ANAPC1: variants seen among roughly 807,000 people sequenced by gnomAD.
ANAPC1 encodes the protein anaphase promoting complex subunit 1.
In ANAPC1, 36 loss-of-function variants were observed where a neutral mutation model predicts 208.0. The ratio of observed to expected loss-of-function variants is 0.17; its 90% confidence interval spans 0.13 to 0.23. The LOEUF is 0.23. ANAPC1 is among the 10% of genes least tolerant of loss of function. The pLI is 1.00. For missense variants in ANAPC1, 942 were observed against 2,011.6 expected, an observed-to-expected ratio of 0.47 and a Z score of 10.17; for synonymous variants, 378 against 695.2, an observed-to-expected ratio of 0.54 and a Z score of 7.18.
chr2:111,845,976 C>A (rs1325377343), intron 16 of ANAPC1, among the ~76,000 whole-genome samples: 647 of 100,636 alleles, frequency 6.4e-3, no homozygotes, highest in Middle Eastern at 0.011. Flanking sequence ...GACTCCGTCT[C>A]AAAAAAAAAA....
chr2:111,806,854 T>A (rs1678704497), intron 29 of ANAPC1, among the ~76,000 whole-genome samples: 1 of 149,258 alleles, frequency 6.7e-6, no homozygotes, highest in African/African-American at 2.5e-5. Flanking sequence ...GAAAAAATGT[T>A]CACATTCCTG....
At chr2:111,855,235 C>T (rs1304236004) in intron 13 of ANAPC1, among the ~76,000 whole-genome samples, 2 of 152,170 alleles carry the variant, frequency 1.3e-5, no homozygotes, top group Non-Finnish European at 2.9e-5. Context: ...GGGTACAGTT[C>T]GTGGTGCCCC....
chr2:111,868,410 T>TAAAGCA lies in ANAPC1; in HGVS notation c.612-315_612-314insTGCTTT, dbSNP rs1682552993. Among the ~76,000 whole-genome samples the TAAAGCA allele has an allele frequency of 9.2e-5, 14 of 152,248 alleles. 1 individual carries two copies. The highest frequency in any genetic ancestry group is 6.3e-3 in the Middle Eastern group (2 of 316). On this transcript the variant is annotated intron_variant, in intron 6 of 47. Coordinates refer to ENST00000341068, the MANE Select transcript of ANAPC1 (RefSeq NM_022662.4). ...ATGTGCATAAAGCGGTCTTTTTTTA[T>TAAAGCA]TGACCTCTCTTACTGGCAGTGTGTC...
At chr2:111,777,183 T>C (rs1181781402) in intron 45 of ANAPC1, 126 bp from the exon 46 acceptor site, 9 of 664,152 alleles carry the variant, frequency 1.4e-5, no homozygotes, top group Admixed American at 2.5e-5. Context: ...TGGTCCATTC[T>C]GTGTTTTGAT....
At chr2:111,772,718 A>T (rs1003955954) in intron 46 of ANAPC1, among the ~76,000 whole-genome samples, 1 of 152,056 alleles carries the variant, frequency 6.6e-6, no homozygotes, top group Non-Finnish European at 1.5e-5. Flanking sequence ...CATAATTACA[A>T]ATTGTGAGGA....
intron 18 of ANAPC1, among the ~76,000 whole-genome samples, chr2:111,837,583 C>A: frequency 6.6e-6 from 1 of 151,570 alleles, no homozygotes; most frequent in East Asian, 1.9e-4. Flanking sequence ...TGCACTCCAG[C>A]CTGGGCGATA....
chr2:111,848,692 G>A (rs368188434), intron 14 of ANAPC1, among the ~76,000 whole-genome samples: 3 of 151,092 alleles, frequency 2.0e-5, no homozygotes, highest in East Asian at 1.9e-4. Flanking sequence ...CAGAAGAATC[G>A]CTTGAACCCA....
At chr2:111,830,505 TAC>T (rs1300490335) in intron 21 of ANAPC1, among the ~76,000 whole-genome samples, 2 of 151,660 alleles carry the variant, frequency 1.3e-5, no homozygotes, top group Admixed American at 1.3e-4. Context: ...TAAAGAAAAA[TAC>T]AGATAAACTA....
At chr2:111,826,064 T>G (rs1242521795) in intron 21 of ANAPC1, among the ~76,000 whole-genome samples, 2 of 152,142 alleles carry the variant, frequency 1.3e-5, no homozygotes, top group Non-Finnish European at 2.9e-5. Flanking sequence ...TTATTTTTAT[T>G]TTTTGTAAAG....
intron 20 of ANAPC1, among the ~76,000 whole-genome samples, chr2:111,831,826 C>CCAAAAA (rs1553425748): frequency 3.4e-5 from 1 of 29,038 alleles, no homozygotes. Flanking sequence ...GACTCTGTCT[C>CCAAAAA]AAAAAAAAAA....
At chr2:111,773,301 A>G (rs1676843782) in intron 46 of ANAPC1, among the ~76,000 whole-genome samples, 1 of 152,222 alleles carries the variant, frequency 6.6e-6, no homozygotes, top group Admixed American at 6.6e-5. Context: ...TCCTCTGAGT[A>G]TCATGCTGAG....
chr2:111,794,627 CT>C (rs938786091), intron 35 of ANAPC1, among the ~76,000 whole-genome samples, 190 bp downstream of exon 35: 48 of 152,238 alleles, frequency 3.2e-4, no homozygotes, highest in African/African-American at 1.0e-3. Context: ...TCCAATATTG[CT>C]TTTTGAGGGC....
At chr2:111,790,767 G>A (rs1677831688) in intron 38 of ANAPC1, among the ~76,000 whole-genome samples, 1 of 151,716 alleles carries the variant, frequency 6.6e-6, no homozygotes, top group Admixed American at 6.6e-5. Context: ...AAGCCCTAGG[G>A]TGGCAAAGAT....
intron 1 of ANAPC1, among the ~76,000 whole-genome samples, chr2:111,883,060 G>C (rs1327870857): frequency 6.6e-6 from 1 of 151,572 alleles, no homozygotes; most frequent in Non-Finnish European, 1.5e-5. Flanking sequence ...CCAGCTACTT[G>C]GGAGGCTGAA....
rs937698342 is a variant in ANAPC1 at position 111,865,935 on chromosome 2, G to A, written c.686-984C>T. 7.0e-5 allele frequency: 15 copies of A among 215,058 alleles called. No homozygotes were observed. The East Asian group carries it at 1.1e-3, about 16-fold the overall frequency. 13.3% of individuals were successfully genotyped at this position (215,058 alleles called of 1,614,324 possible). On this transcript the variant is annotated intron_variant, in intron 7 of 47. Transcript: ENST00000341068. ...AATTTCATCATTCGAGGCTGGGCAG[G>A]TGGCTAACGCCTGTAATCCCAGCAC...
intron 38 of ANAPC1, among the ~76,000 whole-genome samples, chr2:111,791,093 G>A (rs1393612530): frequency 6.6e-6 from 1 of 152,134 alleles, no homozygotes; most frequent in East Asian, 1.9e-4. Flanking sequence ...TTTTAAAATA[G>A]ATAAATATAA....
At chr2:111,863,287 T>C (rs368144029) in intron 9 of ANAPC1, among the ~76,000 whole-genome samples, 1 of 150,710 alleles carries the variant, frequency 6.6e-6, no homozygotes, top group African/African-American at 2.4e-5. Context: ...GGCAGGCAGA[T>C]CACAAGGTCA....
chr2:111,778,176 T>C (rs1414307949), intron 45 of ANAPC1, among the ~76,000 whole-genome samples: 9 of 152,130 alleles, frequency 5.9e-5, no homozygotes, highest in Admixed American at 2.0e-4. Flanking sequence ...ATTACCCCTT[T>C]AGGCTCTTTT....
chr2:111,835,360 G>C (rs745634337), intron 18 of ANAPC1, among the ~76,000 whole-genome samples: 2 of 152,148 alleles, frequency 1.3e-5, no homozygotes, highest in Non-Finnish European at 2.9e-5. Flanking sequence ...AGACTGATTG[G>C]ACTACATTTT....
Sources: allele counts gnomAD v4.1 joint callset (sites outside exome capture counted in the v4.1 genomes callset), GRCh38; gene constraint gnomAD v4.1.1; transcripts MANE v1.5; gene names NCBI Gene and HGNC (gene_info 2026-07-23, HGNC 2026-07-21).